RSPH6A: variants seen among roughly 807,000 people sequenced by gnomAD.
The protein encoded by RSPH6A is radial spoke head protein 6 homolog A.
In RSPH6A, 49 loss-of-function variants were observed where a neutral mutation model predicts 66.1. The ratio of observed to expected loss-of-function variants is 0.74; its 90% CI spans 0.59 to 0.94. The LOEUF (loss-of-function observed/expected upper bound fraction) is 0.94. Ranked by LOEUF, RSPH6A falls within the 40% of genes least tolerant of loss-of-function variation. RSPH6A has a pLI of 0.00. For missense variants in RSPH6A, 977 were observed against 948.3 expected (o/e 1.03, Z -0.40); for synonymous variants, 419 against 402.4 (o/e 1.04, Z -0.49).
chr19:45,797,000 T>C (rs141224304), intron 5 of RSPH6A, among the ~76,000 whole-genome samples: 1,606 of 151,784 alleles, frequency 0.011, 20 homozygotes, highest in Non-Finnish European at 0.015. Flanking sequence ...GCCCAGGAGT[T>C]TGAGGCTGCA....
At chr19:45,808,657 CTTTTTT>C (rs60697395) in intron 2 of RSPH6A, among the ~76,000 whole-genome samples, 2 of 104,226 alleles carry the variant, frequency 1.9e-5, no homozygotes, top group Admixed American at 1.0e-4. Flanking sequence ...CAAAACTTAT[CTTTTTT>C]TTTTTTTTTT....
At chr19:45,798,825 C>T (rs1355890089) in intron 5 of RSPH6A, among the ~76,000 whole-genome samples, 3 of 140,798 alleles carry the variant, frequency 2.1e-5, no homozygotes, top group East Asian at 4.1e-4. Context: ...GGCAACAGAG[C>T]GAGACTCTAT....
Position 45,795,864 on chromosome 19 carries a change from G to T in RSPH6A, c.*5C>A. The T allele has an allele frequency of 7.2e-7, 1 of 1,390,066 alleles. No homozygotes were observed. The highest frequency in any genetic ancestry group is 1.4e-5 in the South Asian group (1 of 72,878). The allele number at this position is 1,390,066 out of a possible 1,614,324, so 86.1% of individuals were successfully genotyped here. On this transcript the variant is annotated 3_prime_UTR_variant, in exon 6 of 6. Transcript: ENST00000221538. Reference sequence around the variant, plus strand: ...TGCTTGGGGAAAGTGGCTAGAGGGTGGGCCTCAGTCATCTGTCTCCTCGCC... The same window carrying T: ...TGCTTGGGGAAAGTGGCTAGAGGGTTGGCCTCAGTCATCTGTCTCCTCGCC...
At position 45,795,760 on chromosome 19, in the gene RSPH6A, C is replaced by T; in HGVS notation, c.*109G>A. 1 of 1,017,248 alleles carries T rather than the reference C, an allele frequency of 9.8e-7. No individual in the cohort carries two copies. The highest frequency in any genetic ancestry group is 1.4e-6 in the Non-Finnish European group (1 of 695,032). The allele number at this position is 1,017,248 out of a possible 1,614,324, so 63.0% of individuals were successfully genotyped here. A position where few individuals can be genotyped will look rare whatever the true frequency, so the allele number is the denominator to read the frequency against. ...AAGCAGTTGCCTTCCTTTTCTATCC[C>T]TGCCCTCTGGGGACAGGAAGCACAT... On this transcript the variant is annotated 3_prime_UTR_variant, in exon 6 of 6. Transcript: ENST00000221538.
intron 1 of RSPH6A, among the ~76,000 whole-genome samples, chr19:45,811,591 CCAT>C (rs1970628582): frequency 6.6e-6 from 1 of 151,630 alleles, no homozygotes; most frequent in South Asian, 2.1e-4. Flanking sequence ...GCATGCACCA[CCAT>C]GTCCCGCTAA....
At position 45,800,540 on chromosome 19, in the gene RSPH6A, T is replaced by C; in HGVS notation, c.1822A>G (p.Thr608Ala). ...DAEIMHLAPW[T>A]TRLSCSLCPQ... ...CAGAGGCTGCAGGACAGGCGGGTGG[T>C]CCAGGGTGCCAGGTGCATGATTTCT... The change falls in exon 5 of 6, where the codon ACC (threonine) becomes GCC (alanine). Residue 608 changes from threonine to alanine, a missense_variant. By Grantham distance (58) the Thr-to-Ala change is moderately conservative. Transcript: ENST00000221538. 2 of 1,612,050 alleles carry C rather than the reference T, an allele frequency of 1.2e-6. No individual in the cohort carries two copies. The highest frequency in any genetic ancestry group is 1.7e-6 in the Non-Finnish European group (2 of 1,179,430).
chr19:45,796,094 G>C lies in RSPH6A; in HGVS notation c.1929C>G (p.Asn643Lys), dbSNP rs753566555. The change falls in exon 6 of 6, where the codon AAC becomes AAG. Residue 643 changes from asparagine to lysine, a missense_variant. Transcript: ENST00000221538. ...YAYASGKKFENIYIGWGHKYS... is the reference protein window; with the variant it reads ...YAYASGKKFEKIYIGWGHKYS... ...ACTTGTGACCCCAGCCGATGTAGAT[G>C]TTCTCAAACTTTCTGGAGAAGCAGT... 8.2e-5 allele frequency: 128 copies of C among 1,555,682 alleles called. No homozygotes were observed. The highest frequency in any genetic ancestry group is 1.0e-4 in the Non-Finnish European group (116 of 1,145,604).
chr19:45,805,563 G>T (rs530302231), intron 2 of RSPH6A, among the ~76,000 whole-genome samples: 1 of 152,198 alleles, frequency 6.6e-6, no homozygotes, highest in South Asian at 2.1e-4. Flanking sequence ...GTGATGGCAG[G>T]CACCTGTAAT....
At position 45,795,888 on chromosome 19, in the gene RSPH6A, C is replaced by CCCT. The variant is rs370303871; in HGVS notation, c.2132_2134dup (p.Glu711dup). ...TGGGCCTCAGTCATCTGTCTCCTCGCCCTCCTCCTCCTCCTCGCCCTCCTC... is the reference window on the plus strand; with the variant it reads ...TGGGCCTCAGTCATCTGTCTCCTCGCCCTCCTCCTCCTCCTCCTCGCCCTCCTC... On this transcript the variant is annotated inframe_insertion, in exon 6 of 6. Coordinates refer to ENST00000221538, the MANE Select transcript of RSPH6A (RefSeq NM_030785.4). 1.4e-5 allele frequency: 22 copies of CCCT among 1,574,642 alleles called. No individual in the cohort carries two copies. Among genetic ancestry groups the CCCT allele is most frequent in the African/African-American group, 6.8e-5 (5 of 73,292 alleles).
In RSPH6A at chr19:45,805,029, G is replaced by A. The variant is rs778311450; in HGVS notation, c.889-13C>T. On this transcript the variant is annotated splice_polypyrimidine_tract_variant and intron_variant, in intron 2 of 5. Transcript: ENST00000221538. The stretch of plus-strand genomic sequence containing the variant: ...CTGGTGTCTCCCCCTGCGCAGGGTA[G>A]GGTGGAGGGCAGAGGGGAGAATGCT... The A allele has an allele frequency of 5.0e-6, 8 of 1,596,064 alleles. No individual in the cohort carries two copies. In the South Asian group the frequency reaches 5.6e-5, roughly 11 times the overall value.
chr19:45,808,461 C>G (rs937780171), intron 2 of RSPH6A, among the ~76,000 whole-genome samples: 2 of 146,552 alleles, frequency 1.4e-5, no homozygotes, highest in African/African-American at 5.1e-5. Context: ...GGCATGGTGG[C>G]GGGCACCTGT....
In RSPH6A at chr19:45,804,893, G is replaced by A. The variant is rs770179606; in HGVS notation, c.1012C>T (p.Pro338Ser). The stretch of plus-strand genomic sequence containing the variant: ...CCCCAGAAGCGACAGGTGTGGATGG[G>A]CTGCTGCTCCACCAGCTGTTTCATG... ...LAMKQLVEQQPIHTCRFWGKI... is the reference protein window; with the variant it reads ...LAMKQLVEQQSIHTCRFWGKI... The change falls in exon 3 of 6, where the codon CCC becomes TCC. Residue 338 changes from proline to serine, a missense_variant. Pro to Ser is a moderately conservative substitution (Grantham distance 74). Transcript: ENST00000221538. This position sits in a 1 kb window ranked among gnomAD's most constrained non-coding sequence, Gnocchi z 5.8. 2.5e-6 allele frequency: 4 copies of A among 1,614,244 alleles called. No homozygotes were observed. In the Admixed American group the frequency reaches 6.7e-5, roughly 27 times the overall value.
rs1398273485 is a variant in RSPH6A at position 45,814,519 on chromosome 19, C to T, written c.650+8G>A. 4.0e-6 allele frequency: 6 copies of T among 1,498,464 alleles called. No homozygotes were observed. Among genetic ancestry groups the T allele is most frequent in the Non-Finnish European group, 5.3e-6 (6 of 1,123,814 alleles). The allele number at this position is 1,498,464 out of a possible 1,614,324, so 92.8% of individuals were successfully genotyped here. Reference sequence around the variant, plus strand: ...CCCCCACCCGCCCCACTCCTAGCCCCTGCTCACAGGCTGAGGTCGCAATTG... The same window carrying T: ...CCCCCACCCGCCCCACTCCTAGCCCTTGCTCACAGGCTGAGGTCGCAATTG... On this transcript the variant is annotated splice_region_variant and intron_variant, in intron 1 of 5. Coordinates refer to ENST00000221538, the MANE Select transcript of RSPH6A (RefSeq NM_030785.4).
intron 2 of RSPH6A, among the ~76,000 whole-genome samples, 163 bp downstream of exon 2, chr19:45,810,439 AG>A (rs1970608657): frequency 6.6e-6 from 1 of 152,016 alleles, no homozygotes; most frequent in Non-Finnish European, 1.5e-5. Flanking sequence ...CAAAGTGCTG[AG>A]GTTACAGATG....
chr19:45,809,003 C>CTTTTTTT (rs35881550), intron 2 of RSPH6A, among the ~76,000 whole-genome samples: 1 of 120,138 alleles, frequency 8.3e-6, no homozygotes, highest in Non-Finnish European at 1.6e-5. Flanking sequence ...TTGTTTTTTG[C>CTTTTTTT]TTTTTTTTTT....
At position 45,814,588 on chromosome 19, in the gene RSPH6A, G is replaced by T. The variant is rs555098496; in HGVS notation, c.589C>A (p.Leu197Met). ...TAGGCCTTGGCGTTCTGCACGGCCA[G>T]CTCCAGAGGCTCGGGCTCAGGCACC... ...AQVPEPEPLELAVQNAKAYLL... is the reference protein window; with the variant it reads ...AQVPEPEPLEMAVQNAKAYLL... The change falls in exon 1 of 6, where the codon CTG becomes ATG. Residue 197 changes from leucine to methionine, a missense_variant. Coordinates refer to ENST00000221538, the MANE Select transcript of RSPH6A (RefSeq NM_030785.4). 32 of 1,557,336 alleles carry T rather than the reference G, an allele frequency of 2.1e-5. No homozygotes were observed. Among genetic ancestry groups the T allele is most frequent in the Non-Finnish European group, 2.8e-5 (32 of 1,154,158 alleles).
At position 45,804,776 on chromosome 19, in the gene RSPH6A, T is replaced by C; in HGVS notation, c.1129A>G (p.Met377Val). ...TCCATGACCTCGCCACCTTCCGTCATCTCCTCCACCTCCTCCTCCTCTGCC... is the reference window on the plus strand; with the variant it reads ...TCCATGACCTCGCCACCTTCCGTCACCTCCTCCACCTCCTCCTCCTCTGCC... ...EEAEEEEVEE[M>V]TEGGEVMEAH... is the part of the protein sequence containing the mutation. The change falls in exon 3 of 6, where the codon ATG becomes GTG. Residue 377 changes from methionine to valine, a missense_variant. By Grantham distance (21) the Met-to-Val change is conservative. Transcript: ENST00000221538. The surrounding 1 kb of genome is among the most constrained non-coding windows in gnomAD (Gnocchi z 5.8). The C allele has an allele frequency of 6.2e-7, 1 of 1,612,472 alleles. No individual in the cohort carries two copies.
Position 45,804,762 on chromosome 19 carries a change from G to T in RSPH6A, c.1143C>A (p.Gly381=). 1.2e-6 allele frequency: 2 copies of T among 1,612,160 alleles called. No homozygotes were observed. Among genetic ancestry groups the T allele is most frequent in the Non-Finnish European group, 1.7e-6 (2 of 1,179,100 alleles). The change falls in exon 3 of 6, where the codon GGC becomes GGA. Residue 381 remains glycine, a synonymous_variant. Coordinates refer to ENST00000221538, the MANE Select transcript of RSPH6A (RefSeq NM_030785.4). The surrounding 1 kb of genome is among the most constrained non-coding windows in gnomAD (Gnocchi z 5.8). Reference sequence around the variant, plus strand: ...CCTCGCCGTGCGCCTCCATGACCTCGCCACCTTCCGTCATCTCCTCCACCT... The same window carrying T: ...CCTCGCCGTGCGCCTCCATGACCTCTCCACCTTCCGTCATCTCCTCCACCT... ...EEEVEEMTEG[G]EVMEAHGEEE... is the part of the protein sequence containing the mutation.
intron 5 of RSPH6A, 94 bp downstream of exon 5, chr19:45,800,352 C>T (rs1471219635): frequency 3.7e-6 from 4 of 1,085,444 alleles, no homozygotes; most frequent in Non-Finnish European, 5.5e-6. Flanking sequence ...GGGCCCTCCC[C>T]ATCTCTGCCC....
Sources: gnomAD v4.1 joint callset for allele counts (sites outside exome capture counted in the v4.1 genomes callset) on GRCh38, gnomAD v4.1.1 for gene constraint, Gnocchi (gnomAD v3.1) non-coding constraint, MANE v1.5 for transcripts, NCBI Gene and HGNC (gene_info 2026-07-23, HGNC 2026-07-21) for gene names.